SPDYE3: variants seen among roughly 807,000 people sequenced by gnomAD.
SPDYE3 encodes the protein speedy/RINGO cell cycle regulator family member E3.
A neutral mutation model predicts 55.0 loss-of-function variants in SPDYE3; 15 were observed. The observed-to-expected ratio is 0.27, with a 90% CI of 0.18 to 0.42. SPDYE3 has a LOEUF of 0.42. Among genes scored for constraint, SPDYE3 ranks in the 10% least tolerant of loss-of-function variants. SPDYE3 has a pLI of 1.00. For missense variants in SPDYE3, 236 were observed against 576.7 expected, an observed-to-expected ratio of 0.41 and a Z score of 6.05; for synonymous variants, 89 against 229.9, an observed-to-expected ratio of 0.39 and a Z score of 5.55.
intron 8 of SPDYE3, among the ~76,000 whole-genome samples, chr7:100,317,802 T>TA (rs1185913609): frequency 0.028 from 3,734 of 134,140 alleles, 70 homozygotes; most frequent in Non-Finnish European, 0.043. Context: ...TGTCTCCACT[T>TA]AAAAAAAAAA....
chr7:100,319,975 C>G lies in SPDYE3; in HGVS notation c.1635C>G (p.Arg545=). The G allele has an allele frequency of 6.2e-7, 1 of 1,608,818 alleles. No homozygotes were observed. Among genetic ancestry groups the G allele is most frequent in the Non-Finnish European group, 8.5e-7 (1 of 1,179,412 alleles). Residue 545 remains arginine (R), a synonymous_variant, in exon 10 of 11, where the codon CGC becomes CGG. Coordinates refer to ENST00000332397, the MANE Select transcript of SPDYE3 (RefSeq NM_001004351.5). ...AGCACTGGGTGTGGGCGCGAGATCG[C>G]GCCCACCTTTCCTAGAGCTCCAGGG... ...DPEHWVWARD[R]AHLS
chr7:100,313,870 G>C (rs1240621887), intron 5 of SPDYE3, among the ~76,000 whole-genome samples: 13 of 26,162 alleles, frequency 5.0e-4, no homozygotes, highest in African/African-American at 2.0e-3. Flanking sequence ...CTGGGTGAGA[G>C]AGTGAGACGC....
At chr7:100,308,294 G>A (rs1175395312) in intron 1 of SPDYE3, among the ~76,000 whole-genome samples, 2 of 145,688 alleles carry the variant, frequency 1.4e-5, no homozygotes, top group Non-Finnish European at 3.0e-5. Flanking sequence ...TCGTGCTACT[G>A]CACTCCAGTC....
At chr7:100,316,719 C>G (rs1337351717) in intron 7 of SPDYE3, among the ~76,000 whole-genome samples, 4 of 152,128 alleles carry the variant, frequency 2.6e-5, no homozygotes, top group Non-Finnish European at 1.5e-5. Context: ...CGTCTGGCTG[C>G]AGTCCTGAAG....
intron 1 of SPDYE3, 137 bp downstream of exon 1, chr7:100,308,128 A>C: frequency 8.5e-7 from 1 of 1,182,310 alleles, no homozygotes. Flanking sequence ...TCAGCAGTTC[A>C]AGACCAGCCT....
intron 1 of SPDYE3, 109 bp downstream of exon 1, chr7:100,308,100 C>T (rs987915306): frequency 1.2e-5 from 16 of 1,352,912 alleles, no homozygotes; most frequent in African/African-American, 2.9e-5. Context: ...GAGGCCGAGG[C>T]GGGCAGATCA....
At chr7:100,319,107 C>T (rs1393532945) in intron 8 of SPDYE3, among the ~76,000 whole-genome samples, 1 of 151,992 alleles carries the variant, frequency 6.6e-6, no homozygotes, top group Non-Finnish European at 1.5e-5. Flanking sequence ...AATGGGGTTT[C>T]TCTGTGTTGG....
intron 4 of SPDYE3, among the ~76,000 whole-genome samples, chr7:100,312,496 C>CA (rs1211047563): frequency 0.24 from 13,036 of 54,082 alleles, 1,640 homozygotes; most frequent in Middle Eastern, 0.31. Context: ...GACGCTGTCT[C>CA]AAAAAAAAAA....
intron 7 of SPDYE3, among the ~76,000 whole-genome samples, chr7:100,316,644 T>C (rs1011638247): frequency 6.6e-6 from 1 of 151,996 alleles, no homozygotes; most frequent in Non-Finnish European, 1.5e-5. Context: ...TGCTGGTCTC[T>C]TGCAGAGTGA....
chr7:100,315,407 T>G (rs936087981), intron 6 of SPDYE3, among the ~76,000 whole-genome samples: 1 of 152,198 alleles, frequency 6.6e-6, no homozygotes, highest in Non-Finnish European at 1.5e-5. Context: ...AACCTAAGTG[T>G]CTCCATCCAT....
intron 8 of SPDYE3, among the ~76,000 whole-genome samples, chr7:100,319,175 T>C (rs1184169304): frequency 1.3e-5 from 2 of 152,128 alleles, no homozygotes; most frequent in African/African-American, 4.8e-5. Context: ...CCTTCCAAAG[T>C]GCTGGGATTA....
rs1188978481 is a variant in SPDYE3 at position 100,315,080 on chromosome 7, T to C, written c.1201+330T>C. On this transcript the variant is annotated intron_variant, in intron 6 of 10. Coordinates refer to ENST00000332397, the MANE Select transcript of SPDYE3 (RefSeq NM_001004351.5). ...CTGCAGTGAGCTATGACTGCACCAC[T>C]GCACTCCAGCCTGGGTGACAGAGCA... Among the ~76,000 whole-genome samples the C allele has an allele frequency of 2.6e-5, 4 of 150,972 alleles. No homozygotes were observed. In the East Asian group the frequency reaches 7.8e-4, roughly 29 times the overall value.
chr7:100,314,367 G>A, intron 5 of SPDYE3, 165 bp from the exon 6 acceptor site: 1 of 505,250 alleles, frequency 2.0e-6, no homozygotes, highest in Admixed American at 3.3e-5. Context: ...GGGAGGGGAA[G>A]GAGTGGCACA....
chr7:100,321,304 A>T lies in SPDYE3; in HGVS notation c.*459A>T, dbSNP rs1003667751. On this transcript the variant is annotated 3_prime_UTR_variant, in exon 11 of 11. Transcript: ENST00000332397. The stretch of plus-strand genomic sequence containing the variant: ...GTGAAATATGAGTGCCACAGACTGT[A>T]ACAGATAGCTTCATGCACACTATGC... 2.9e-6 allele frequency: 1 copy of T among 349,074 alleles called. No individual in the cohort carries two copies. Among genetic ancestry groups the T allele is most frequent in the African/African-American group, 2.2e-5 (1 of 46,484 alleles). 21.6% of individuals were successfully genotyped at this position (349,074 alleles called of 1,614,324 possible).
At chr7:100,308,191 G>A (rs1044239741) in intron 1 of SPDYE3, among the ~76,000 whole-genome samples, 200 bp downstream of exon 1, 5 of 150,908 alleles carry the variant, frequency 3.3e-5, no homozygotes, top group African/African-American at 4.9e-5. Flanking sequence ...TTAGCCAGGC[G>A]GTAGTGGTGT....
At chr7:100,319,456 C>T in intron 8 of SPDYE3, 109 bp from the exon 9 acceptor site, 46 of 1,563,500 alleles carry the variant, frequency 2.9e-5, no homozygotes, top group Non-Finnish European at 3.9e-5. Context: ...AGGGTGGGTG[C>T]CAGTCCTGAG....
chr7:100,317,317 A>G (rs1806126688), intron 8 of SPDYE3, among the ~76,000 whole-genome samples, 162 bp downstream of exon 8: 1 of 152,210 alleles, frequency 6.6e-6, no homozygotes, highest in South Asian at 2.1e-4. Flanking sequence ...CTCTAAAAAG[A>G]AACTCAGGCT....
At chr7:100,308,268 G>A (rs1805874574) in intron 1 of SPDYE3, among the ~76,000 whole-genome samples, 1 of 150,400 alleles carries the variant, frequency 6.6e-6, no homozygotes. Context: ...GAGGAAGAGG[G>A]TGCAGTGAGC....
intron 6 of SPDYE3, among the ~76,000 whole-genome samples, chr7:100,315,079 C>G (rs910175376): frequency 9.9e-5 from 15 of 150,924 alleles, no homozygotes; most frequent in Non-Finnish European, 1.9e-4. Flanking sequence ...GACTGCACCA[C>G]TGCACTCCAG....
Sources: gnomAD v4.1 joint callset for allele counts (sites outside exome capture counted in the v4.1 genomes callset) on GRCh38, gnomAD v4.1.1 for gene constraint, MANE v1.5 for transcripts, NCBI Gene and HGNC (gene_info 2026-07-23, HGNC 2026-07-21) for gene names.